The following ROBO2 variants were observed in gnomAD, a reference collection of about 807,000 sequenced individuals.
ROBO2 encodes the protein roundabout homolog 2.
ROBO2 carries 53 observed loss-of-function variants against 160.8 expected under a neutral mutation model. The observed-to-expected ratio is 0.33, with a 90% CI of 0.26 to 0.41. The LOEUF (loss-of-function observed/expected upper bound fraction) is 0.41. Ranked by LOEUF, ROBO2 falls within the 10% of genes least tolerant of loss-of-function variation. The pLI, the probability that ROBO2 is intolerant of heterozygous loss-of-function variation, is 1.00. For missense variants in ROBO2, 1,577 were observed against 1,722.4 expected (o/e 0.92, Z 1.49); for synonymous variants, 664 against 611.7 (o/e 1.09, Z -1.26).
chr3:76,309,754 ATAG>A (rs199955207), intron 2 of ROBO2, among the ~76,000 whole-genome samples: 2,583 of 152,316 alleles, frequency 0.017, 61 homozygotes, highest in African/African-American at 0.058. Context: ...CAGATTTAAA[ATAG>A]TAGCCAGAAT....
chr3:77,531,132 C>T (rs1055076523), intron 6 of ROBO2, among the ~76,000 whole-genome samples: 1 of 151,888 alleles, frequency 6.6e-6, no homozygotes, highest in African/African-American at 2.4e-5. Context: ...TGCTGATTGC[C>T]TGGAGTATAA....
chr3:76,383,804 A>G (rs2076751353), intron 2 of ROBO2, among the ~76,000 whole-genome samples: 1 of 152,246 alleles, frequency 6.6e-6, no homozygotes, highest in African/African-American at 2.4e-5. Flanking sequence ...GAAGTAAATG[A>G]GAACAGGTGA....
intron 2 of ROBO2, among the ~76,000 whole-genome samples, chr3:76,057,209 A>G (rs1408571592): frequency 6.6e-6 from 1 of 152,158 alleles, no homozygotes; most frequent in Non-Finnish European, 1.5e-5. Flanking sequence ...GGCTTATTCA[A>G]ATATGTGCCA....
chr3:76,159,066 G>T (rs2072519510), intron 2 of ROBO2, among the ~76,000 whole-genome samples: 1 of 152,166 alleles, frequency 6.6e-6, no homozygotes, highest in Non-Finnish European at 1.5e-5. Context: ...GAAGGTGAAA[G>T]TGGGATGTGT....
chr3:76,607,134 G>A (rs1286950866), intron 2 of ROBO2, among the ~76,000 whole-genome samples: 1 of 152,150 alleles, frequency 6.6e-6, no homozygotes, highest in Non-Finnish European at 1.5e-5. Flanking sequence ...GTGCACTGTG[G>A]ACTTGAACTC....
Position 76,802,171 on chromosome 3 carries a change from C to T in ROBO2, c.110-295843C>T, listed in dbSNP as rs117405086. ...GACACAGAGGTACAAAGTGAGCACACGCTGCTGGAACAATGGCACTGACAG... is the reference window on the plus strand; with the variant it reads ...GACACAGAGGTACAAAGTGAGCACATGCTGCTGGAACAATGGCACTGACAG... On this transcript the variant is annotated intron_variant, in intron 2 of 26. Transcript: ENST00000487694. Among the ~76,000 whole-genome samples, 18 of 152,256 alleles carry T rather than the reference C, an allele frequency of 1.2e-4. No individual in the cohort carries two copies. The East Asian group carries it at 2.1e-3, about 18-fold the overall frequency.
At chr3:77,090,038 A>G (rs2069913451) in intron 1 of ROBO2, among the ~76,000 whole-genome samples, 1 of 152,154 alleles carries the variant, frequency 6.6e-6, no homozygotes, top group South Asian at 2.1e-4. Context: ...CTAACGATAA[A>G]TAGTAACAAC....
At chr3:76,040,984 A>G (rs1379330464) in intron 2 of ROBO2, among the ~76,000 whole-genome samples, 1 of 151,988 alleles carries the variant, frequency 6.6e-6, no homozygotes, top group Non-Finnish European at 1.5e-5. Flanking sequence ...GTGAGACTCT[A>G]TCTCAAAAAA....
intron 2 of ROBO2, among the ~76,000 whole-genome samples, chr3:76,352,738 CAG>C: frequency 6.6e-6 from 1 of 151,906 alleles, no homozygotes; most frequent in Non-Finnish European, 1.5e-5. Flanking sequence ...CTTTATGAGA[CAG>C]AGTTTTATTA....
chr3:77,045,493 T>G (rs1239801943), intron 1 of ROBO2, among the ~76,000 whole-genome samples: 1 of 152,190 alleles, frequency 6.6e-6, no homozygotes, highest in African/African-American at 2.4e-5. Context: ...GCATCAGTGC[T>G]TGACATACTC....
chr3:76,771,030 C>T (rs1474388502), intron 2 of ROBO2, among the ~76,000 whole-genome samples: 1 of 151,234 alleles, frequency 6.6e-6, no homozygotes, highest in Non-Finnish European at 1.5e-5. Flanking sequence ...TCTACCTTTG[C>T]ACATCTATAT....
intron 2 of ROBO2, among the ~76,000 whole-genome samples, chr3:76,060,713 G>A (rs1032356708): frequency 6.6e-6 from 1 of 152,106 alleles, no homozygotes; most frequent in Admixed American, 6.5e-5. Context: ...TCACACCAAT[G>A]TTACAACTCT....
chr3:76,225,859 A>T (rs1397204150), intron 2 of ROBO2, among the ~76,000 whole-genome samples: 1 of 151,940 alleles, frequency 6.6e-6, no homozygotes, highest in Non-Finnish European at 1.5e-5. Flanking sequence ...ATACCAAAAA[A>T]CTCTAAACAT....
intron 2 of ROBO2, among the ~76,000 whole-genome samples, chr3:77,434,661 G>A (rs1244334039): frequency 1.3e-5 from 2 of 152,052 alleles, no homozygotes; most frequent in African/African-American, 4.8e-5. Context: ...GTGCTTATTT[G>A]CTCTCCTGGT....
At chr3:76,072,435 T>G (rs1437101116) in intron 2 of ROBO2, among the ~76,000 whole-genome samples, 1 of 152,162 alleles carries the variant, frequency 6.6e-6, no homozygotes, top group Non-Finnish European at 1.5e-5. Flanking sequence ...CTTCATATTA[T>G]GTTGAATATA....
chr3:77,597,527 A>C (rs1223597355), intron 19 of ROBO2, among the ~76,000 whole-genome samples: 1 of 152,102 alleles, frequency 6.6e-6, no homozygotes, highest in East Asian at 1.9e-4. Flanking sequence ...CTCTGATCTC[A>C]GTGTGGCTTG....
chr3:76,782,569 GCA>G (rs2062715039), intron 2 of ROBO2, among the ~76,000 whole-genome samples: 1 of 150,686 alleles, frequency 6.6e-6, no homozygotes, highest in African/African-American at 2.4e-5. Context: ...AATATTGAGT[GCA>G]CATATATTTA....
At chr3:77,157,911 C>T (rs947035038) in intron 2 of ROBO2, among the ~76,000 whole-genome samples, 2 of 152,008 alleles carry the variant, frequency 1.3e-5, no homozygotes, top group African/African-American at 4.8e-5. Context: ...AGTGAAAGTC[C>T]TTGAATACGG....
At chr3:76,395,180 A>G (rs4416389) in intron 2 of ROBO2, among the ~76,000 whole-genome samples, 27,549 of 150,614 alleles carry the variant, frequency 0.18, 2,884 homozygotes, top group African/African-American at 0.29. Context: ...ACTCACTCAA[A>G]ACCGCTCAAC....
Sources: gnomAD v4.1 joint callset for allele counts (sites outside exome capture counted in the v4.1 genomes callset) on GRCh38, gnomAD v4.1.1 for gene constraint, MANE v1.5 for transcripts, NCBI Gene and HGNC (gene_info 2026-07-23, HGNC 2026-07-21) for gene names.